The following SOCS2 variants were observed in gnomAD, a reference collection of about 807,000 sequenced individuals.
The protein encoded by SOCS2 is CIS-2.
Under a neutral mutation model 18.6 loss-of-function variants are expected in SOCS2, and 10 were observed. The observed-to-expected ratio is 0.54, with a 90% CI of 0.33 to 0.91. SOCS2 has a LOEUF of 0.91. Among genes scored for constraint, SOCS2 ranks in the 40% least tolerant of loss-of-function variants. The pLI is 0.02. For missense variants in SOCS2, 231 were observed against 247.2 expected (o/e 0.93, Z 0.44); for synonymous variants, 104 against 104.0 (o/e 1.00, Z 0.00).
At chr12:93,598,615 AC>A in the SOCS2 span, among the ~76,000 whole-genome samples, 1 of 152,258 alleles carries the variant, frequency 6.6e-6, no homozygotes, top group South Asian at 2.1e-4. Flanking sequence ...GAAGGATTCA[AC>A]ATTGTTTCAA....
chr12:93,591,717 G>A, the SOCS2 span, among the ~76,000 whole-genome samples: 1 of 152,188 alleles, frequency 6.6e-6, no homozygotes, highest in African/African-American at 2.4e-5. Flanking sequence ...ATGTAACCCA[G>A]CGTCGGCAGC....
chr12:93,619,139 G>A, the SOCS2 span, among the ~76,000 whole-genome samples: 23 of 152,362 alleles, frequency 1.5e-4, no homozygotes, highest in African/African-American at 5.5e-4. Context: ...GTGCAGAGCT[G>A]TGTTTGGAGA....
At chr12:93,616,659 C>A in the SOCS2 span, among the ~76,000 whole-genome samples, 1 of 152,126 alleles carries the variant, frequency 6.6e-6, no homozygotes, top group Non-Finnish European at 1.5e-5. Flanking sequence ...GAATGGGAGA[C>A]AATGGGCTGC....
upstream of SOCS2, chr12:93,572,435 G>C (rs1954288835): frequency 8.5e-6 from 3 of 351,396 alleles, no homozygotes; most frequent in Non-Finnish European, 1.7e-5. The surrounding 1 kb of genome is among the most constrained non-coding windows in gnomAD (Gnocchi z 5.0). Context: ...CCCTGGGCGG[G>C]AAGACACCCT....
At chr12:93,600,270 C>T in the SOCS2 span, among the ~76,000 whole-genome samples, 1 of 152,106 alleles carries the variant, frequency 6.6e-6, no homozygotes, top group Non-Finnish European at 1.5e-5. Context: ...TTTAATGTTA[C>T]CTTTGTAATA....
the SOCS2 span, among the ~76,000 whole-genome samples, chr12:93,595,219 G>A: frequency 6.6e-6 from 1 of 152,038 alleles, no homozygotes; most frequent in South Asian, 2.1e-4. Context: ...TTATTTTACT[G>A]AGTTCCACAC....
At chr12:93,619,227 A>T in the SOCS2 span, among the ~76,000 whole-genome samples, 2 of 152,286 alleles carry the variant, frequency 1.3e-5, no homozygotes, top group East Asian at 3.9e-4. Context: ...TGACTGGGTA[A>T]GTTGCCCCGC....
the SOCS2 span, among the ~76,000 whole-genome samples, chr12:93,607,550 T>C: frequency 6.6e-6 from 1 of 152,170 alleles, no homozygotes; most frequent in Non-Finnish European, 1.5e-5. Flanking sequence ...ATTGAAGTCA[T>C]TGCATGGTGC....
chr12:93,598,703 T>C, the SOCS2 span, among the ~76,000 whole-genome samples: 3 of 152,176 alleles, frequency 2.0e-5, no homozygotes, highest in Non-Finnish European at 4.4e-5. Context: ...ATGAGTACAG[T>C]ATAACAAATT....
rs1234197467 is a variant in SOCS2 at position 93,572,864 on chromosome 12, G to A, written c.-34G>A. 4 of 1,560,060 alleles carry A rather than the reference G, an allele frequency of 2.6e-6. No homozygotes were observed. Among genetic ancestry groups the A allele is most frequent in the Non-Finnish European group, 3.5e-6 (4 of 1,151,620 alleles). On this transcript the variant is annotated 5_prime_UTR_variant, in exon 1 of 2. Coordinates refer to ENST00000551556, the MANE Select transcript of SOCS2 (RefSeq NM_001270471.2). The surrounding 1 kb of genome is among the most constrained non-coding windows in gnomAD (Gnocchi z 5.0). ...ACCCTTCTCTGACCCCAGCTCGGGC[G>A]GCCACCTGTCTTTGCCGCGGTGACC...
At chr12:93,606,433 T>C in the SOCS2 span, among the ~76,000 whole-genome samples, 1 of 152,050 alleles carries the variant, frequency 6.6e-6, no homozygotes, top group Non-Finnish European at 1.5e-5. Context: ...CAGTTAATAC[T>C]TTGTGGAACT....
chr12:93,596,507 A>G, the SOCS2 span, among the ~76,000 whole-genome samples: 31 of 152,280 alleles, frequency 2.0e-4, no homozygotes, highest in African/African-American at 7.2e-4. Flanking sequence ...ACCCAGGCCC[A>G]TGCATTTGAT....
At chr12:93,604,981 G>A in the SOCS2 span, among the ~76,000 whole-genome samples, 50 of 149,580 alleles carry the variant, frequency 3.3e-4, no homozygotes, top group African/African-American at 1.1e-3. Context: ...TTTTTTTTAA[G>A]TTGATTGCTC....
chr12:93,571,802 CT>C (rs1383090639), upstream of SOCS2: 2 of 410,234 alleles, frequency 4.9e-6, no homozygotes, highest in East Asian at 1.9e-4. Flanking sequence ...GCAGACGCCC[CT>C]CCTCTCCCGG....
chr12:93,609,637 TAGAG>T, the SOCS2 span, among the ~76,000 whole-genome samples: 4 of 152,072 alleles, frequency 2.6e-5, no homozygotes, highest in Non-Finnish European at 4.4e-5. Context: ...AGAGATAAAA[TAGAG>T]AGCATCTATT....
chr12:93,600,502 A>G, the SOCS2 span, among the ~76,000 whole-genome samples: 1 of 152,122 alleles, frequency 6.6e-6, no homozygotes, highest in African/African-American at 2.4e-5. Context: ...CAACTTGTCA[A>G]ATGCTGTGAT....
At chr12:93,595,312 T>G in the SOCS2 span, among the ~76,000 whole-genome samples, 1 of 152,156 alleles carries the variant, frequency 6.6e-6, no homozygotes, top group African/African-American at 2.4e-5. Flanking sequence ...ATTTTAGAAT[T>G]TTTTCCCCCT....
At chr12:93,614,478 C>CCTTCCTTTCTTTTT in the SOCS2 span, among the ~76,000 whole-genome samples, 6 of 49,436 alleles carry the variant, frequency 1.2e-4, no homozygotes, top group African/African-American at 8.6e-4. Flanking sequence ...TTCCTTCCTT[C>CCTTCCTTTCTTTTT]CTTTCCTTCC....
chr12:93,624,196 T>C, the SOCS2 span, among the ~76,000 whole-genome samples: 1 of 152,222 alleles, frequency 6.6e-6, no homozygotes, highest in African/African-American at 2.4e-5. Flanking sequence ...AGGTGCCATC[T>C]TGAAAGCAAA....
Sources: gnomAD v4.1 joint callset for allele counts (sites outside exome capture counted in the v4.1 genomes callset) on GRCh38, gnomAD v4.1.1 for gene constraint, Gnocchi (gnomAD v3.1) non-coding constraint, MANE v1.5 for transcripts, NCBI Gene and HGNC (gene_info 2026-07-23, HGNC 2026-07-21) for gene names.